ZKSCAN7: variants seen among roughly 807,000 people sequenced by gnomAD.
The protein encoded by ZKSCAN7 is zinc finger with KRAB and SCAN domains 7.
ZKSCAN7 carries 38 observed loss-of-function variants against 65.3 expected under a neutral mutation model. The ratio of observed to expected loss-of-function variants is 0.58; its 90% CI spans 0.45 to 0.76. The LOEUF is 0.76. Ranked by LOEUF, ZKSCAN7 falls within the 30% of genes least tolerant of loss-of-function variation. ZKSCAN7 has a pLI of 0.00. For missense variants in ZKSCAN7, 815 were observed against 913.3 expected (o/e 0.89, Z 1.39); for synonymous variants, 321 against 321.0 (o/e 1.00, Z 0.00).
chr3:44,559,922 C>T (rs1699416102), intron 2 of ZKSCAN7, among the ~76,000 whole-genome samples: 1 of 152,188 alleles, frequency 6.6e-6, no homozygotes, highest in African/African-American at 2.4e-5. Context: ...GCAGCTGGGC[C>T]AGCCATGGCA....
At position 44,571,722 on chromosome 3, in the gene ZKSCAN7, T is replaced by C; in HGVS notation, c.*347T>C. The C allele has an allele frequency of 9.3e-7, 1 of 1,078,958 alleles. No individual in the cohort carries two copies. Among genetic ancestry groups the C allele is most frequent in the Non-Finnish European group, 1.1e-6 (1 of 887,400 alleles). The allele number at this position is 1,078,958 out of a possible 1,614,324, so 66.8% of individuals were successfully genotyped here. On this transcript the variant is annotated 3_prime_UTR_variant, in exon 6 of 6. Transcript: ENST00000426540. ...ATCTTCTCTATTCTATTCTACTTCC[T>C]CCATTTCACCATTTATACAAAGTCA...
intron 5 of ZKSCAN7, chr3:44,578,087 C>T: frequency 6.3e-7 from 1 of 1,580,332 alleles, no homozygotes; most frequent in Non-Finnish European, 8.7e-7. Flanking sequence ...CATATCCGGA[C>T]ACCATGGCAC....
At position 44,570,949 on chromosome 3, in the gene ZKSCAN7, T is replaced by A. The variant is rs1428526562; in HGVS notation, c.1839T>A (p.Gly613=). The A allele has an allele frequency of 1.9e-6, 3 of 1,614,026 alleles. No individual in the cohort carries two copies. The highest frequency in any genetic ancestry group is 2.7e-5 in the African/African-American group (2 of 74,910). ...GEKPFECSEC[G]KAFGLSKCLI... is the part of the protein sequence containing the mutation. ...AACCTTTTGAATGTAGCGAGTGTGGTAAGGCATTTGGTCTGAGTAAATGTC... is the reference window on the plus strand; with the variant it reads ...AACCTTTTGAATGTAGCGAGTGTGGAAAGGCATTTGGTCTGAGTAAATGTC... The change falls in exon 6 of 6, where the codon GGT becomes GGA. Residue 613 remains glycine (G), a synonymous_variant. Transcript: ENST00000426540.
chr3:44,579,538 G>GT (rs991337499), intron 5 of ZKSCAN7, among the ~76,000 whole-genome samples: 1 of 152,192 alleles, frequency 6.6e-6, no homozygotes, highest in Non-Finnish European at 1.5e-5. Flanking sequence ...AGCTGCTCTT[G>GT]TTTTTTTCCT....
intron 4 of ZKSCAN7, 75 bp from the exon 5 acceptor site, chr3:44,568,232 G>GT: frequency 1.3e-6 from 2 of 1,574,768 alleles, no homozygotes; most frequent in Non-Finnish European, 1.7e-6. Context: ...CCCATACCCT[G>GT]TGCCCTTCGT....
At position 44,557,296 on chromosome 3, in the gene ZKSCAN7, C is replaced by T. The variant is rs530915912; in HGVS notation, c.249C>T (p.Leu83=). ...TTCGGGAGCTCTGCCGCTGGTGGCTCATGCCAGAGGTGCACACCAAGGAGC... is the reference window on the plus strand; with the variant it reads ...TTCGGGAGCTCTGCCGCTGGTGGCTTATGCCAGAGGTGCACACCAAGGAGC... The part of the protein sequence containing the change: ...SRLRELCRWW[L]MPEVHTKEQI... Residue 83 remains leucine (L), a synonymous_variant, in exon 2 of 6, where the codon CTC becomes CTT. Transcript: ENST00000426540. 2 of 1,614,284 alleles carry T rather than the reference C, an allele frequency of 1.2e-6. No individual in the cohort carries two copies. Among genetic ancestry groups the T allele is most frequent in the South Asian group, 2.2e-5 (2 of 91,090 alleles).
chr3:44,580,639 T>C (rs1345579988), intron 5 of ZKSCAN7: 8 of 1,613,936 alleles, frequency 5.0e-6, no homozygotes, highest in Non-Finnish European at 6.8e-6. Context: ...TCCGCCCGGA[T>C]GAAATGCTCC....
At chr3:44,574,571 G>A (rs1291906890), downstream of ZKSCAN7, among the ~76,000 whole-genome samples, 2 of 152,196 alleles carry the variant, frequency 1.3e-5, no homozygotes, top group Non-Finnish European at 1.5e-5. Context: ...TAAATATTCT[G>A]TTGCGTTTAG....
chr3:44,566,701 G>A (rs970715629), intron 3 of ZKSCAN7, among the ~76,000 whole-genome samples: 4 of 151,888 alleles, frequency 2.6e-5, no homozygotes, highest in East Asian at 3.8e-4. Flanking sequence ...GCAATGGCAC[G>A]ATCATAATAG....
downstream of ZKSCAN7, among the ~76,000 whole-genome samples, chr3:44,573,462 A>G (rs1699862655): frequency 1.3e-5 from 2 of 152,346 alleles, no homozygotes; most frequent in East Asian, 3.9e-4. Context: ...CTAGGGACAT[A>G]TCTCAGGCAA....
At chr3:44,557,629 C>A in intron 2 of ZKSCAN7, 159 bp downstream of exon 2, 1 of 980,676 alleles carries the variant, frequency 1.0e-6, no homozygotes, top group Non-Finnish European at 1.5e-6. Context: ...TGCTCCAAGC[C>A]ATAAACACAA....
In ZKSCAN7 at chr3:44,571,192, T is replaced by G. The variant is rs113863022; in HGVS notation, c.2082T>G (p.Asn694Lys). 114 of 1,614,198 alleles carry G rather than the reference T, an allele frequency of 7.1e-5. No individual in the cohort carries two copies. In the Middle Eastern group the frequency reaches 1.6e-3, roughly 23 times the overall value. Residue 694 changes from asparagine (N) to lysine (K), a missense_variant, in exon 6 of 6, where the codon AAT becomes AAG. Coordinates refer to ENST00000426540, the MANE Select transcript of ZKSCAN7 (RefSeq NM_001288590.2). ...CTGGGGAAAAACCCTATAAATGCAA[T>G]GATTGTGGGAAAGCTTTTAGTGACA... ...THTGEKPYKCNDCGKAFSDSS... is the reference protein window; with the variant it reads ...THTGEKPYKCKDCGKAFSDSS...
At chr3:44,579,984 G>A (rs1700028708) in intron 5 of ZKSCAN7, 1 of 1,542,808 alleles carries the variant, frequency 6.5e-7, no homozygotes, top group Non-Finnish European at 9.0e-7. Context: ...TTGGGGGGGG[G>A]CTTCATTGGT....
intron 2 of ZKSCAN7, among the ~76,000 whole-genome samples, chr3:44,558,626 C>T (rs893208891): frequency 9.2e-5 from 14 of 152,134 alleles, no homozygotes; most frequent in African/African-American, 2.4e-4. Flanking sequence ...GGCAGGCCAT[C>T]GACAAGGGCA....
At position 44,568,416 on chromosome 3, in the gene ZKSCAN7, A is replaced by G. The variant is rs550316944; in HGVS notation, c.794A>G (p.His265Arg). 6.2e-7 allele frequency: 1 copy of G among 1,614,056 alleles called. No individual in the cohort carries two copies. The highest frequency in any genetic ancestry group is 8.5e-7 in the Non-Finnish European group (1 of 1,179,952). Residue 265 changes from histidine to arginine, a missense_variant, in exon 5 of 6, where the codon CAT becomes CGT. His to Arg is a conservative substitution (Grantham distance 29). Around this residue, in one of 3 missense-constraint regions of ZKSCAN7, gnomAD observed 578 missense variants for 629.5 expected, o/e 0.92. Transcript: ENST00000426540. ...TGGAACATGATGCCAGAAAATCACCATAGCATGGCCTCCTTGGGTAATGAT... is the reference window on the plus strand; with the variant it reads ...TGGAACATGATGCCAGAAAATCACCGTAGCATGGCCTCCTTGGGTAATGAT... The part of the protein sequence containing the change: ...LQWNMMPENH[H>R]SMASLAGENM...
intron 2 of ZKSCAN7, among the ~76,000 whole-genome samples, chr3:44,564,881 A>G (rs1185089745): frequency 6.6e-6 from 1 of 151,884 alleles, no homozygotes; most frequent in Non-Finnish European, 1.5e-5. Flanking sequence ...GCTCCCTGCA[A>G]ACTCCACCTC....
At chr3:44,567,173 AAAG>A (rs1183181322) in intron 3 of ZKSCAN7, among the ~76,000 whole-genome samples, 3 of 40,028 alleles carry the variant, frequency 7.5e-5, no homozygotes, top group African/African-American at 2.6e-4. Flanking sequence ...AGAGAAGAGA[AAAG>A]AAAAGAGAGA....
downstream of ZKSCAN7, among the ~76,000 whole-genome samples, chr3:44,572,849 C>CAAAAAAAAAAAA (rs11339297): frequency 5.9e-4 from 43 of 72,398 alleles, no homozygotes; most frequent in Non-Finnish European, 8.0e-4. Context: ...GACTCTGTCT[C>CAAAAAAAAAAAA]AAAAAAAAAA....
chr3:44,576,874 C>T (rs536198316), downstream of ZKSCAN7, among the ~76,000 whole-genome samples: 3 of 152,252 alleles, frequency 2.0e-5, no homozygotes, highest in South Asian at 6.2e-4. Flanking sequence ...CTTCCAAGTT[C>T]TCTGCCTCAT....
Sources: allele counts gnomAD v4.1 joint callset (sites outside exome capture counted in the v4.1 genomes callset), GRCh38; gene constraint gnomAD v4.1.1; regional missense constraint gnomAD v4.1.1; transcripts MANE v1.5; gene names NCBI Gene and HGNC (gene_info 2026-07-23, HGNC 2026-07-21).